Variants in ARK2C observed in about 807,000 individuals in gnomAD.
ARK2C encodes arkadia (RNF111) C-terminal like ring finger ubiquitin ligase 2C.
chr18:46,371,127 A>C, the ARK2C span, among the ~76,000 whole-genome samples: 1 of 152,116 alleles, frequency 6.6e-6, no homozygotes, highest in Non-Finnish European at 1.5e-5. Flanking sequence ...CATTTATAAA[A>C]CCATCGGATC....
At chr18:46,433,234 C>A in the ARK2C span, 3 of 1,605,404 alleles carry the variant, frequency 1.9e-6, no homozygotes, top group Non-Finnish European at 2.6e-6. Context: ...TACCTCCTGC[C>A]GCCACTTCCA....
At chr18:46,423,547 T>C in the ARK2C span, among the ~76,000 whole-genome samples, 1 of 152,164 alleles carries the variant, frequency 6.6e-6, no homozygotes, top group South Asian at 2.1e-4. Context: ...GGCAGGTGGG[T>C]TCCTCTCTGG....
chr18:46,453,605 A>T, the ARK2C span, among the ~76,000 whole-genome samples: 1 of 152,192 alleles, frequency 6.6e-6, no homozygotes, highest in East Asian at 1.9e-4. Context: ...AAATGTGGAA[A>T]AAACCCTTAA....
chr18:46,340,458 G>C, the ARK2C span, among the ~76,000 whole-genome samples: 2 of 152,178 alleles, frequency 1.3e-5, no homozygotes, highest in Non-Finnish European at 2.9e-5. Flanking sequence ...CGCTAAGGGG[G>C]ATACAGAAGA....
At chr18:46,422,600 C>A in the ARK2C span, among the ~76,000 whole-genome samples, 1 of 152,254 alleles carries the variant, frequency 6.6e-6, no homozygotes, top group Non-Finnish European at 1.5e-5. Flanking sequence ...CATGCTTCTT[C>A]CCCCCGACCG....
chr18:46,382,548 T>C, the ARK2C span, among the ~76,000 whole-genome samples: 1 of 152,232 alleles, frequency 6.6e-6, no homozygotes, highest in South Asian at 2.1e-4. Flanking sequence ...CTTATTTTAC[T>C]TACTACTGAG....
chr18:46,334,720 G>C, the ARK2C span: 1 of 233,050 alleles, frequency 4.3e-6, no homozygotes, highest in Non-Finnish European at 7.4e-6. The surrounding 1 kb of genome is among the most constrained non-coding windows in gnomAD (Gnocchi z 4.4). Context: ...GTGTGTGAGA[G>C]AGAGAGAGAG....
At chr18:46,378,675 T>A in the ARK2C span, among the ~76,000 whole-genome samples, 2 of 151,864 alleles carry the variant, frequency 1.3e-5, no homozygotes, top group Non-Finnish European at 1.5e-5. Flanking sequence ...GCAGAGGGAG[T>A]GGCATGAACC....
At chr18:46,413,983 G>C in the ARK2C span, among the ~76,000 whole-genome samples, 1 of 152,122 alleles carries the variant, frequency 6.6e-6, no homozygotes, top group African/African-American at 2.4e-5. Context: ...AGCATGCTCG[G>C]GTTCCTCTCT....
At chr18:46,342,301 C>A in the ARK2C span, among the ~76,000 whole-genome samples, 1 of 152,216 alleles carries the variant, frequency 6.6e-6, no homozygotes, top group African/African-American at 2.4e-5. Context: ...GGAGCCTCAT[C>A]AAGACCAAGG....
the ARK2C span, among the ~76,000 whole-genome samples, chr18:46,357,749 C>A: frequency 6.6e-6 from 1 of 152,260 alleles, no homozygotes; most frequent in Admixed American, 6.5e-5. Context: ...GCTTCTGTGG[C>A]TGCTGTGACA....
chr18:46,433,375 A>C, the ARK2C span: 1 of 1,613,032 alleles, frequency 6.2e-7, no homozygotes, highest in East Asian at 2.2e-5. Flanking sequence ...CCAGTCGCTG[A>C]CCCCGCTGCC....
chr18:46,428,807 CT>C, the ARK2C span, among the ~76,000 whole-genome samples: 1 of 152,164 alleles, frequency 6.6e-6, no homozygotes, highest in African/African-American at 2.4e-5. Context: ...TCAACTGTTT[CT>C]TTTTACTTTT....
the ARK2C span, among the ~76,000 whole-genome samples, chr18:46,339,572 T>C: frequency 1.3e-5 from 2 of 150,610 alleles, no homozygotes; most frequent in Non-Finnish European, 2.9e-5. Context: ...ACCTGACACA[T>C]GTCTGTTTTA....
chr18:46,373,824 A>G, the ARK2C span, among the ~76,000 whole-genome samples: 1 of 152,190 alleles, frequency 6.6e-6, no homozygotes, highest in African/African-American at 2.4e-5. Context: ...GCAGCCAGAG[A>G]AAGGCAGAGC....
At chr18:46,441,575 T>TCTAAAGA in the ARK2C span, among the ~76,000 whole-genome samples, 137 of 152,344 alleles carry the variant, frequency 9.0e-4, no homozygotes, top group African/African-American at 3.1e-3. Context: ...TTTAATCATT[T>TCTAAAGA]GTACTACTCT....
chr18:46,425,733 G>A, the ARK2C span, among the ~76,000 whole-genome samples: 1 of 152,152 alleles, frequency 6.6e-6, no homozygotes, highest in South Asian at 2.1e-4. Flanking sequence ...ACTGCACCCA[G>A]TGTGTCCTCT....
At chr18:46,335,432 C>T in the ARK2C span, 2 of 152,218 alleles carry the variant, frequency 1.3e-5, no homozygotes, top group African/African-American at 4.8e-5. Flanking sequence ...ATTCCCACCT[C>T]CCAAGCAAAT....
At chr18:46,338,836 G>A in the ARK2C span, among the ~76,000 whole-genome samples, 2 of 152,184 alleles carry the variant, frequency 1.3e-5, no homozygotes, top group African/African-American at 4.8e-5. Context: ...TCTTTTGGCC[G>A]ATGTGCCTTG....
Sources: allele counts gnomAD v4.1 joint callset (sites outside exome capture counted in the v4.1 genomes callset), GRCh38; gene constraint gnomAD v4.1.1; non-coding constraint Gnocchi (gnomAD v3.1); transcripts MANE v1.5; gene names NCBI Gene and HGNC (gene_info 2026-07-23, HGNC 2026-07-21).